OR4K1: variants seen among roughly 807,000 people sequenced by gnomAD.
OR4K1 encodes olfactory receptor 4K1.
In OR4K1, 16 loss-of-function variants were observed where a neutral mutation model predicts 14.4. The ratio of observed to expected loss-of-function variants is 1.11; its 90% confidence interval spans 0.75 to 1.68. The LOEUF is 1.68. Among genes scored for constraint, OR4K1 ranks in the 40% most tolerant of loss-of-function variants. OR4K1 has a pLI of 0.00. For synonymous variants in OR4K1, 181 were observed against 133.1 expected, an observed-to-expected ratio of 1.36 and a Z score of -2.48; for missense variants, 548 against 376.9, an observed-to-expected ratio of 1.45 and a Z score of -3.76.
At chr14:19,931,487 A>T (rs1882183311) in intron 1 of OR4K1, 1 of 152,388 alleles carries the variant, frequency 6.6e-6, no homozygotes, top group Non-Finnish European at 1.5e-5. Flanking sequence ...ATGTTTATTG[A>T]CTACCAAAAT....
At chr14:19,924,533 T>C in the OR4K1 span, among the ~76,000 whole-genome samples, 2 of 152,120 alleles carry the variant, frequency 1.3e-5, no homozygotes, top group Non-Finnish European at 2.9e-5. Context: ...TTCATTGTGG[T>C]TTTGATTTGC....
rs138714506 is a variant in OR4K1, at chr14:19,935,923, T to C, written c.257T>C (p.Phe86Ser). The change falls in exon 2 of 2, where the codon TTT becomes TCT. Residue 86 changes from phenylalanine to serine, a missense_variant. Coordinates refer to ENST00000641172, the MANE Select transcript of OR4K1 (RefSeq NM_001004063.3). ...FATPKMLVDF[F>S]IERKTISFEG... is the part of the protein sequence containing the mutation. ...ACCCCCAAGATGCTTGTAGACTTTTTTATTGAGCGCAAGACTATCTCCTTT... is the reference window on the plus strand; with the variant it reads ...ACCCCCAAGATGCTTGTAGACTTTTCTATTGAGCGCAAGACTATCTCCTTT... The C allele has an allele frequency of 1.9e-6, 3 of 1,614,240 alleles. No individual in the cohort carries two copies. Among genetic ancestry groups the C allele is most frequent in the Non-Finnish European group, 2.5e-6 (3 of 1,180,036 alleles).
chr14:19,925,879 A>C, the OR4K1 span, among the ~76,000 whole-genome samples: 1 of 152,276 alleles, frequency 6.6e-6, no homozygotes, highest in African/African-American at 2.4e-5. Flanking sequence ...CAAGGAGGAA[A>C]GTATCAGAGG....
Position 19,935,963 on chromosome 14 carries a change from C to A in OR4K1, c.297C>A (p.Ala99=), listed in dbSNP as rs1882305487. 2 of 1,614,172 alleles carry A rather than the reference C, an allele frequency of 1.2e-6. No individual in the cohort carries two copies. Among genetic ancestry groups the A allele is most frequent in the Middle Eastern group, 1.6e-4 (1 of 6,062 alleles). ...CTATCTCCTTTGAGGGTTGCATGGC[C>A]CAGATATTCGTTCTTCACAGTTTTG... ...RKTISFEGCM[A]QIFVLHSFVG... The change falls in exon 2 of 2, where the codon GCC becomes GCA. Residue 99 remains alanine (A), a synonymous_variant. Transcript: ENST00000641172.
intron 1 of OR4K1, among the ~76,000 whole-genome samples, chr14:19,934,973 GCTT>G (rs1205679536): frequency 6.6e-6 from 1 of 152,110 alleles, no homozygotes; most frequent in African/African-American, 2.4e-5. Flanking sequence ...GTGCCTGGCC[GCTT>G]CTTTTGTTTC....
At chr14:19,933,736 G>C (rs1022735805) in intron 1 of OR4K1, among the ~76,000 whole-genome samples, 1 of 152,178 alleles carries the variant, frequency 6.6e-6, no homozygotes, top group Non-Finnish European at 1.5e-5. Flanking sequence ...GGGACTACAA[G>C]TGTGTGCCAC....
rs753257922 is a variant in OR4K1 at position 19,935,918 on chromosome 14, CT to C, written c.258del (p.Phe86LeufsTer27). On this transcript the variant is annotated frameshift_variant, in exon 2 of 2. Coordinates refer to ENST00000641172, the MANE Select transcript of OR4K1 (RefSeq NM_001004063.3). LOFTEE classifies it high-confidence loss of function. Reference sequence around the variant, plus strand: ...TTGCCACCCCCAAGATGCTTGTAGACTTTTTTATTGAGCGCAAGACTATCTC... The same window carrying C: ...TTGCCACCCCCAAGATGCTTGTAGACTTTTTATTGAGCGCAAGACTATCTC... ...NFATPKMLVDFFIERKTISFE... is the reference protein window; with the variant it reads ...NFATPKMLVDXFIERKTISFE... The C allele has an allele frequency of 8.7e-6, 14 of 1,614,200 alleles. No homozygotes were observed. The highest frequency in any genetic ancestry group is 1.0e-5 in the Non-Finnish European group (12 of 1,180,024).
At chr14:19,935,360 C>T (rs768369115) in intron 1 of OR4K1, among the ~76,000 whole-genome samples, 29 of 152,214 alleles carry the variant, frequency 1.9e-4, no homozygotes, top group Admixed American at 7.2e-4. Flanking sequence ...ATGTATTTCA[C>T]TTATACTTTC....
chr14:19,920,588 A>G, the OR4K1 span: 1 of 1,576,112 alleles, frequency 6.3e-7, no homozygotes, highest in Non-Finnish European at 8.6e-7. Flanking sequence ...GTTTCAGAAC[A>G]AGTTTGCAGC....
the OR4K1 span, chr14:19,920,869 C>T: frequency 1.9e-6 from 3 of 1,614,208 alleles, no homozygotes; most frequent in Non-Finnish European, 1.7e-6. Context: ...TTTCTGAGTG[C>T]ACACGAGACC....
At chr14:19,925,016 T>G in the OR4K1 span, among the ~76,000 whole-genome samples, 1 of 152,212 alleles carries the variant, frequency 6.6e-6, no homozygotes, top group East Asian at 1.9e-4. Context: ...GGTAATCAAC[T>G]TTTTAATACA....
chr14:19,936,126 C>A lies in OR4K1; in HGVS notation c.460C>A (p.Leu154Ile). Residue 154 changes from leucine to isoleucine, a missense_variant, in exon 2 of 2, where the codon CTT (leucine) becomes ATT (isoleucine). Transcript: ENST00000641172. The part of the protein sequence containing the change: ...FVSISWAVGV[L>I]HSVSHLAFTV... Reference sequence around the variant, plus strand: ...GTCTATTTCCTGGGCGGTGGGCGTTCTTCATTCTGTGAGCCACTTGGCTTT... The same window carrying A: ...GTCTATTTCCTGGGCGGTGGGCGTTATTCATTCTGTGAGCCACTTGGCTTT... The A allele has an allele frequency of 1.2e-6, 2 of 1,614,196 alleles. No homozygotes were observed. Among genetic ancestry groups the A allele is most frequent in the Non-Finnish European group, 1.7e-6 (2 of 1,180,042 alleles).
chr14:19,920,559 T>C, the OR4K1 span: 1 of 1,535,820 alleles, frequency 6.5e-7, no homozygotes, highest in East Asian at 2.3e-5. Flanking sequence ...TTCCTTTCTA[T>C]TTATCCTCCT....
the OR4K1 span, among the ~76,000 whole-genome samples, chr14:19,922,050 G>A: frequency 1.3e-5 from 2 of 149,258 alleles, no homozygotes; most frequent in African/African-American, 2.5e-5. Context: ...TTCAAGTGGA[G>A]ATTATTAGGT....
chr14:19,935,991 G>A lies in OR4K1; in HGVS notation c.325G>A (p.Gly109Arg). The A allele has an allele frequency of 6.2e-7, 1 of 1,614,228 alleles. No individual in the cohort carries two copies. Among genetic ancestry groups the A allele is most frequent in the Non-Finnish European group, 8.5e-7 (1 of 1,180,046 alleles). The change falls in exon 2 of 2, where the codon GGG (glycine) becomes AGG (arginine). Residue 109 changes from glycine (G) to arginine (R), a missense_variant. Transcript: ENST00000641172. The part of the protein sequence containing the change: ...AQIFVLHSFV[G>R]SEMMLLVAMA... ...GATATTCGTTCTTCACAGTTTTGTT[G>A]GGAGTGAGATGATGTTGCTTGTAGC...
the OR4K1 span, among the ~76,000 whole-genome samples, chr14:19,922,076 C>CTG: frequency 7.7e-6 from 1 of 130,080 alleles, no homozygotes; most frequent in Non-Finnish European, 1.8e-5. Context: ...GACTCCCCCC[C>CTG]CCAAAAATCA....
chr14:19,920,842 C>G, the OR4K1 span: 2 of 1,614,214 alleles, frequency 1.2e-6, no homozygotes, highest in Non-Finnish European at 1.7e-6. Context: ...TTTGCTACCC[C>G]TAAAATGATT....
intron 1 of OR4K1, among the ~76,000 whole-genome samples, chr14:19,933,691 C>T (rs1882237669): frequency 6.6e-6 from 1 of 152,184 alleles, no homozygotes; most frequent in South Asian, 2.1e-4. Context: ...CCCTCAGGTT[C>T]AAGCGATTCT....
Position 19,933,812 on chromosome 14 carries a change from C to A in OR4K1, c.-19-1836C>A, listed in dbSNP as rs529763932. Among the ~76,000 whole-genome samples the A allele has an allele frequency of 7.9e-5, 12 of 152,310 alleles. No homozygotes were observed. The South Asian group carries it at 1.9e-3, about 24-fold the overall frequency. ...ATGATTGCCAGGCAGGTCTTGAACT[C>A]CTGACCTCGTGATCTGCCCACCTCG... On this transcript the variant is annotated intron_variant, in intron 1 of 1. Transcript: ENST00000641172.
Sources: allele counts gnomAD v4.1 joint callset (sites outside exome capture counted in the v4.1 genomes callset), GRCh38; gene constraint gnomAD v4.1.1; transcripts MANE v1.5; gene names NCBI Gene and HGNC (gene_info 2026-07-23, HGNC 2026-07-21).